CADPS2: variants seen among roughly 807,000 people sequenced by gnomAD.
The protein encoded by CADPS2 is calcium-dependent secretion activator 2.
A neutral mutation model predicts 172.5 loss-of-function variants in CADPS2; 93 were observed. That is an observed-to-expected ratio of 0.54 (90% CI 0.46 to 0.64). The LOEUF (loss-of-function observed/expected upper bound fraction) is 0.64. Among genes scored for constraint, CADPS2 ranks in the 30% least tolerant of loss-of-function variants. CADPS2 has a pLI of 0.00. For missense variants in CADPS2, 1,420 were observed against 1,565.9 expected (o/e 0.91, Z 1.57); for synonymous variants, 546 against 555.2 (o/e 0.98, Z 0.23).
intron 8 of CADPS2, among the ~76,000 whole-genome samples, chr7:122,538,979 A>G (rs185211900): frequency 6.6e-6 from 1 of 152,112 alleles, no homozygotes; most frequent in Non-Finnish European, 1.5e-5. Context: ...GGTCTTAAAT[A>G]CTGGATGTTT....
chr7:122,519,461 C>T (rs2060618035), intron 8 of CADPS2, among the ~76,000 whole-genome samples: 1 of 152,070 alleles, frequency 6.6e-6, no homozygotes, highest in East Asian at 1.9e-4. Context: ...ATTAGCAGCA[C>T]TGAAACAAAG....
chr7:122,469,819 G>A (rs2055672722), intron 14 of CADPS2, among the ~76,000 whole-genome samples: 1 of 144,432 alleles, frequency 6.9e-6, no homozygotes, highest in Admixed American at 6.9e-5. Flanking sequence ...AAGCAGGTGT[G>A]TGTCTGTGTG....
At chr7:122,758,526 A>G (rs1001361676) in intron 1 of CADPS2, among the ~76,000 whole-genome samples, 3 of 152,188 alleles carry the variant, frequency 2.0e-5, no homozygotes, top group South Asian at 4.1e-4. Flanking sequence ...TTTGAGCTGT[A>G]TTCAAAATAC....
chr7:122,633,136 T>C (rs1323855475), intron 3 of CADPS2, among the ~76,000 whole-genome samples: 2 of 152,196 alleles, frequency 1.3e-5, no homozygotes, highest in African/African-American at 4.8e-5. Flanking sequence ...GTGTGATGTT[T>C]CTGGCTTTGT....
chr7:122,697,943 G>A (rs1480487718), intron 2 of CADPS2: 1 of 1,613,804 alleles, frequency 6.2e-7, no homozygotes, highest in South Asian at 1.1e-5. Context: ...AAGGTTTCAG[G>A]CAGTTCATTT....
chr7:122,645,512 ACT>A (rs1588098036), intron 3 of CADPS2, among the ~76,000 whole-genome samples: 3 of 121,966 alleles, frequency 2.5e-5, no homozygotes, highest in Admixed American at 8.5e-5. Context: ...GTATATATAT[ACT>A]TATATATATA....
At chr7:122,786,113 G>A (rs528048250) in intron 1 of CADPS2, among the ~76,000 whole-genome samples, 77 of 150,034 alleles carry the variant, frequency 5.1e-4, no homozygotes, top group Non-Finnish European at 9.6e-4. Flanking sequence ...TAGTAGTCTC[G>A]TCTATTTCAT....
In CADPS2 at chr7:122,474,537, T is replaced by C. The variant is rs777087437; in HGVS notation, c.1862-20A>G. The C allele has an allele frequency of 6.8e-6, 11 of 1,607,714 alleles. No individual in the cohort carries two copies. Among genetic ancestry groups the C allele is most frequent in the Middle Eastern group, 1.7e-4 (1 of 6,046 alleles). On this transcript the variant is annotated intron_variant, in intron 12 of 29. Coordinates refer to ENST00000449022, the MANE Select transcript of CADPS2 (RefSeq NM_017954.11). ...CTGCATCTGTAAATTCAGGAAAGCATGTACAGTATATTTACTTTTCAGGCT... is the reference window on the plus strand; with the variant it reads ...CTGCATCTGTAAATTCAGGAAAGCACGTACAGTATATTTACTTTTCAGGCT...
chr7:122,366,591 C>T (rs2151197667), intron 25 of CADPS2, among the ~76,000 whole-genome samples: 1 of 144,542 alleles, frequency 6.9e-6, no homozygotes, highest in South Asian at 2.2e-4. Flanking sequence ...GGCAACAGTG[C>T]AAGACTCCAT....
Position 122,745,358 on chromosome 7 carries a change from A to T in CADPS2, c.340-8290T>A, listed in dbSNP as rs147133364. On this transcript the variant is annotated intron_variant, in intron 1 of 29. Transcript: ENST00000449022. ...GAAACTAAGCTCAAAGAAGTTAAGG[A>T]TCTTACTTAACCTCGCATCTAGTAA... 8.3e-3 allele frequency among the ~76,000 whole-genome samples: 1,262 copies of T among 152,072 alleles called. 11 individuals are homozygous for T. Among genetic ancestry groups the T allele is most frequent in the Middle Eastern group, 0.031 (9 of 292 alleles).
intron 7 of CADPS2, among the ~76,000 whole-genome samples, chr7:122,571,319 T>C (rs2067226061): frequency 6.6e-6 from 1 of 152,142 alleles, no homozygotes; most frequent in South Asian, 2.1e-4. Flanking sequence ...AAGGCATTAG[T>C]ACAGTGTACA....
chr7:122,403,753 T>C (rs2046258277), intron 20 of CADPS2, among the ~76,000 whole-genome samples: 1 of 152,156 alleles, frequency 6.6e-6, no homozygotes, highest in African/African-American at 2.4e-5. Context: ...CCATTCATTG[T>C]AGATAAGTAA....
chr7:122,857,802 C>T (rs945569389), intron 1 of CADPS2, among the ~76,000 whole-genome samples: 2 of 152,148 alleles, frequency 1.3e-5, no homozygotes, highest in Admixed American at 1.3e-4. Context: ...AAGCCGCTGA[C>T]ATTCTCAGTG....
chr7:122,684,225 A>G (rs748890725), intron 2 of CADPS2, among the ~76,000 whole-genome samples: 14 of 152,100 alleles, frequency 9.2e-5, no homozygotes, highest in Non-Finnish European at 1.6e-4. Flanking sequence ...ATATCATTAT[A>G]TGTCGTTTCA....
At chr7:122,454,972 C>T (rs2053583612) in intron 14 of CADPS2, among the ~76,000 whole-genome samples, 1 of 152,176 alleles carries the variant, frequency 6.6e-6, no homozygotes, top group South Asian at 2.1e-4. Context: ...CCACACACTA[C>T]TCCGAGCCTC....
chr7:122,786,894 G>A (rs901316173), intron 1 of CADPS2, among the ~76,000 whole-genome samples: 5 of 152,072 alleles, frequency 3.3e-5, no homozygotes, highest in Non-Finnish European at 7.4e-5. Context: ...CCAGCCCTAA[G>A]CATCTTCCCA....
At chr7:122,740,213 A>C (rs1279543657) in intron 1 of CADPS2, among the ~76,000 whole-genome samples, 2 of 152,208 alleles carry the variant, frequency 1.3e-5, no homozygotes, top group African/African-American at 4.8e-5. Flanking sequence ...ATGATCCAGT[A>C]ATCACAGTCC....
chr7:122,821,633 C>T (rs1803328259), intron 1 of CADPS2, among the ~76,000 whole-genome samples: 1 of 152,160 alleles, frequency 6.6e-6, no homozygotes. Flanking sequence ...GTTTAGCCTT[C>T]CCACCTCAAT....
rs972267476 is a variant in CADPS2, at chr7:122,499,821, T to C, written c.1543-8401A>G. ...CTTTTATCATCAACTATTGAAATAA[T>C]AGAAAATATATTGGGCAGCTAATTC... On this transcript the variant is annotated intron_variant, in intron 9 of 29. Coordinates refer to ENST00000449022, the MANE Select transcript of CADPS2 (RefSeq NM_017954.11). Among the ~76,000 whole-genome samples, 3 of 152,238 alleles carry C rather than the reference T, an allele frequency of 2.0e-5. No homozygotes were observed. The South Asian group carries it at 6.2e-4, about 32-fold the overall frequency.
Sources: gnomAD v4.1 joint callset for allele counts (sites outside exome capture counted in the v4.1 genomes callset) on GRCh38, gnomAD v4.1.1 for gene constraint, MANE v1.5 for transcripts, NCBI Gene and HGNC (gene_info 2026-07-23, HGNC 2026-07-21) for gene names.